The following CELF4 variants were observed in gnomAD, a reference collection of about 807,000 sequenced individuals.
The protein encoded by CELF4 is CUG-BP- and ETR-3-like factor 4.
CELF4 carries 18 observed loss-of-function variants against 59.9 expected under a neutral mutation model. The observed-to-expected ratio is 0.30, with a 90% CI of 0.21 to 0.45. The LOEUF is 0.45. CELF4 is among the 20% of genes least tolerant of loss of function. The probability of loss-of-function intolerance (pLI) is 1.00; values close to 1 mark genes in which losing one functional copy is unlikely to be tolerated. For synonymous variants in CELF4, 261 were observed against 267.1 expected (o/e 0.98, Z 0.22); for missense variants, 456 against 689.0 (o/e 0.66, Z 3.79).
intron 2 of CELF4, among the ~76,000 whole-genome samples, chr18:37,328,751 T>A (rs72885305): frequency 0.068 from 10,335 of 152,202 alleles, 381 homozygotes; most frequent in Middle Eastern, 0.11. Flanking sequence ...TCAGGTTTTA[T>A]GCTCTGCCCT....
chr18:37,488,319 C>T (rs1294822805), intron 1 of CELF4, among the ~76,000 whole-genome samples: 1 of 152,172 alleles, frequency 6.6e-6, no homozygotes, highest in Non-Finnish European at 1.5e-5. Flanking sequence ...GCAGGCTCCC[C>T]ATGCTCAGAT....
intron 2 of CELF4, among the ~76,000 whole-genome samples, chr18:37,469,181 G>C (rs928471176): frequency 6.6e-6 from 1 of 152,076 alleles, no homozygotes; most frequent in Admixed American, 6.6e-5. Context: ...GGAGTCTGGG[G>C]CCAACTAAAA....
In CELF4 at chr18:37,264,664, G is replaced by A. The variant is rs775042482; in HGVS notation, c.1249+10C>T. The A allele has an allele frequency of 1.7e-5, 27 of 1,565,708 alleles. No individual in the cohort carries two copies. Among genetic ancestry groups the A allele is most frequent in the Non-Finnish European group, 2.2e-5 (25 of 1,154,460 alleles). On this transcript the variant is annotated intron_variant, in intron 10 of 12. Coordinates refer to ENST00000420428, the MANE Select transcript of CELF4 (RefSeq NM_020180.4). Reference sequence around the variant, plus strand: ...GAGGGAGGGGCCCAGGAGCTGGCCTGCAGACTCACCTTCTCTCTGCTGCTG... The same window carrying A: ...GAGGGAGGGGCCCAGGAGCTGGCCTACAGACTCACCTTCTCTCTGCTGCTG...
intron 2 of CELF4, among the ~76,000 whole-genome samples, chr18:37,386,313 G>A (rs1488506304): frequency 1.3e-5 from 2 of 152,248 alleles, no homozygotes; most frequent in African/African-American, 4.8e-5. Flanking sequence ...CTTTACAGAG[G>A]TGGCAACATC....
intron 2 of CELF4, among the ~76,000 whole-genome samples, chr18:37,335,899 G>A (rs978379161): frequency 3.3e-5 from 5 of 152,062 alleles, no homozygotes; most frequent in Non-Finnish European, 5.9e-5. Context: ...CCTGACACCC[G>A]CAGCCTGCTG....
chr18:37,502,926 T>C (rs2099933461), intron 1 of CELF4, among the ~76,000 whole-genome samples: 1 of 152,234 alleles, frequency 6.6e-6, no homozygotes, highest in Non-Finnish European at 1.5e-5. Flanking sequence ...TTTCCTTGCT[T>C]CCTAATTGAG....
intron 1 of CELF4, among the ~76,000 whole-genome samples, chr18:37,551,917 G>C (rs2099983327): frequency 6.6e-6 from 1 of 152,166 alleles, no homozygotes; most frequent in South Asian, 2.1e-4. Context: ...AAATTCCTTT[G>C]TCCACCATTC....
intron 2 of CELF4, among the ~76,000 whole-genome samples, chr18:37,463,307 G>A (rs989870603): frequency 2.6e-5 from 4 of 152,144 alleles, no homozygotes; most frequent in Admixed American, 2.6e-4. Context: ...GCTGCAGCAG[G>A]TCAGAGAACC....
At chr18:37,462,902 A>G (rs1194196507) in intron 2 of CELF4, among the ~76,000 whole-genome samples, 1 of 152,082 alleles carries the variant, frequency 6.6e-6, no homozygotes, top group Non-Finnish European at 1.5e-5. Context: ...GGCCCAGGGA[A>G]GCCAAAAGAT....
chr18:37,389,905 G>C (rs2099139819), intron 2 of CELF4, among the ~76,000 whole-genome samples: 1 of 152,214 alleles, frequency 6.6e-6, no homozygotes, highest in Non-Finnish European at 1.5e-5. Context: ...CAGGGACACT[G>C]TCAGGAAGCA....
At chr18:37,300,716 T>C (rs551902647) in intron 3 of CELF4, among the ~76,000 whole-genome samples, 2 of 152,190 alleles carry the variant, frequency 1.3e-5, no homozygotes, top group Admixed American at 6.5e-5. Context: ...ACAATCAGGG[T>C]AGTGATATAT....
intron 2 of CELF4, among the ~76,000 whole-genome samples, chr18:37,391,075 G>T (rs1466384142): frequency 1.3e-5 from 2 of 152,128 alleles, no homozygotes; most frequent in East Asian, 3.9e-4. Flanking sequence ...GCCGGCCTGA[G>T]GTGCCACCAG....
intron 1 of CELF4, among the ~76,000 whole-genome samples, chr18:37,560,330 A>G (rs895587508): frequency 1.3e-5 from 2 of 152,270 alleles, no homozygotes; most frequent in Non-Finnish European, 2.9e-5. Context: ...AATTATGCAT[A>G]AGCAGCAAAT....
intron 1 of CELF4, among the ~76,000 whole-genome samples, chr18:37,547,780 T>A (rs1006250735): frequency 6.6e-6 from 1 of 152,136 alleles, no homozygotes; most frequent in Non-Finnish European, 1.5e-5. Context: ...GTTAGGTGGA[T>A]AAATTGTGTC....
chr18:37,491,031 G>A (rs1287088356), intron 1 of CELF4, among the ~76,000 whole-genome samples: 1 of 152,164 alleles, frequency 6.6e-6, no homozygotes, highest in Non-Finnish European at 1.5e-5. Context: ...AGGTGGGGTG[G>A]GGGCAGAGAG....
At chr18:37,553,666 T>C (rs1245848131) in intron 1 of CELF4, among the ~76,000 whole-genome samples, 2 of 152,242 alleles carry the variant, frequency 1.3e-5, no homozygotes, top group Admixed American at 1.3e-4. Context: ...TTGCGGTCCC[T>C]GTTTTGCTGG....
intron 2 of CELF4, among the ~76,000 whole-genome samples, chr18:37,365,729 G>C (rs926807986): frequency 6.6e-6 from 1 of 151,976 alleles, no homozygotes; most frequent in Non-Finnish European, 1.5e-5. Context: ...CAGGTGATCC[G>C]CCCGCCTTGG....
intron 1 of CELF4, among the ~76,000 whole-genome samples, chr18:37,549,923 T>C (rs1170262940): frequency 6.6e-6 from 1 of 152,114 alleles, no homozygotes; most frequent in Non-Finnish European, 1.5e-5. Flanking sequence ...TATCCCCAGC[T>C]CAGAGAAAAG....
At chr18:37,518,966 A>G (rs1391550034) in intron 1 of CELF4, among the ~76,000 whole-genome samples, 2 of 152,218 alleles carry the variant, frequency 1.3e-5, no homozygotes, top group Admixed American at 6.5e-5. Context: ...CCAAGCTCTG[A>G]AAACTGATCA....
Sources: gnomAD v4.1 joint callset for allele counts (sites outside exome capture counted in the v4.1 genomes callset) on GRCh38, gnomAD v4.1.1 for gene constraint, MANE v1.5 for transcripts, NCBI Gene and HGNC (gene_info 2026-07-23, HGNC 2026-07-21) for gene names.